VAV2: variants seen among roughly 807,000 people sequenced by gnomAD.
VAV2 encodes the protein vav guanine nucleotide exchange factor 2.
In VAV2, 67 loss-of-function variants were observed where a neutral mutation model predicts 132.5. That is an observed-to-expected ratio of 0.51 (90% CI 0.42 to 0.62). VAV2 has a LOEUF of 0.62. Ranked by LOEUF, VAV2 falls within the 20% of genes least tolerant of loss-of-function variation. The pLI, the probability that VAV2 is intolerant of heterozygous loss-of-function variation, is 0.00. For missense variants in VAV2, 938 were observed against 1,153.6 expected (o/e 0.81, Z 2.71); for synonymous variants, 492 against 443.5 (o/e 1.11, Z -1.37).
At chr9:133,909,992 GC>G (rs35607097) in intron 2 of VAV2, among the ~76,000 whole-genome samples, 29,531 of 151,970 alleles carry the variant, frequency 0.19, 3,179 homozygotes, top group Middle Eastern at 0.28. Flanking sequence ...CCATCAGACA[GC>G]CCCCCACGAG....
chr9:133,788,270 CT>C lies in VAV2; in HGVS notation c.1407+83del. ...GCATCAGCGGCTGACTTCGAGTCCCCTTCCCCTGGGGTCTGGAACCCAGTGC... is the reference window on the plus strand; with the variant it reads ...GCATCAGCGGCTGACTTCGAGTCCCCTCCCCTGGGGTCTGGAACCCAGTGC... On this transcript the variant is annotated intron_variant, in intron 15 of 29. Coordinates refer to ENST00000371850, the MANE Select transcript of VAV2 (RefSeq NM_001134398.2). This position sits in a 1 kb window ranked among gnomAD's most constrained non-coding sequence, Gnocchi z 5.3. 1 of 1,526,138 alleles carries C rather than the reference CT, an allele frequency of 6.6e-7. No individual in the cohort carries two copies. Among genetic ancestry groups the C allele is most frequent in the Non-Finnish European group, 8.9e-7 (1 of 1,120,388 alleles). The allele number at this position is 1,526,138 out of a possible 1,614,324, so 94.5% of individuals were successfully genotyped here.
chr9:133,942,229 G>C (rs537636692), intron 1 of VAV2, among the ~76,000 whole-genome samples: 1 of 152,202 alleles, frequency 6.6e-6, no homozygotes, highest in Non-Finnish European at 1.5e-5. Context: ...ATGTGAGATG[G>C]GCCCCTTTCC....
In VAV2 at chr9:133,788,230, C is replaced by CA; in HGVS notation, c.1407+123dup. The CA allele has an allele frequency of 1.9e-5, 15 of 809,524 alleles. No individual in the cohort carries two copies. Among genetic ancestry groups the CA allele is most frequent in the Non-Finnish European group, 2.7e-5 (14 of 519,344 alleles). The allele number at this position is 809,524 out of a possible 1,614,324, so 50.1% of individuals were successfully genotyped here. ...TCCTGCAGAGCGGAGACGCCCACCC[C>CA]AACCCACCCGGCCAGCATCAGCGGC... is the stretch of plus-strand genomic sequence containing the variant. On this transcript the variant is annotated intron_variant, in intron 15 of 29. Transcript: ENST00000371850. This position sits in a 1 kb window ranked among gnomAD's most constrained non-coding sequence, Gnocchi z 5.3.
At chr9:133,791,913 G>T in intron 12 of VAV2, 44 bp from the exon 13 acceptor site, 1 of 1,518,384 alleles carries the variant, frequency 6.6e-7, no homozygotes, top group Non-Finnish European at 9.1e-7. Context: ...GCTGGGTGGG[G>T]TGTGTGTGAC....
chr9:133,971,563 C>T (rs150202210), intron 1 of VAV2, among the ~76,000 whole-genome samples: 1,798 of 152,276 alleles, frequency 0.012, 33 homozygotes, highest in African/African-American at 0.041. Context: ...GGAGGTGAGT[C>T]GTGACTGTGA....
At chr9:133,850,804 C>A (rs1264974843) in intron 3 of VAV2, among the ~76,000 whole-genome samples, 1 of 152,228 alleles carries the variant, frequency 6.6e-6, no homozygotes, top group African/African-American at 2.4e-5. Flanking sequence ...AAGCTCACAC[C>A]CTCAGGCTCT....
At position 133,788,408 on chromosome 9, in the gene VAV2, C is replaced by A. The variant is rs949387662; in HGVS notation, c.1353G>T (p.Glu451Asp). Reference sequence around the variant, plus strand: ...CGTCGGTCATCTTGTGGAACAGCAGCTCGATGATCTCCTTGAGCTCGTAGC... The same window carrying A: ...CGTCGGTCATCTTGTGGAACAGCAGATCGATGATCTCCTTGAGCTCGTAGC... ...GYSYELKEII[E>D]LLFHKMTDDP... Residue 451 changes from glutamate to aspartate, a missense_variant, in exon 15 of 30, where the codon GAG becomes GAT. Coordinates refer to ENST00000371850, the MANE Select transcript of VAV2 (RefSeq NM_001134398.2). The surrounding 1 kb of genome is among the most constrained non-coding windows in gnomAD (Gnocchi z 5.3). The A allele has an allele frequency of 3.1e-6, 5 of 1,612,254 alleles. No homozygotes were observed. The highest frequency in any genetic ancestry group is 4.2e-6 in the Non-Finnish European group (5 of 1,178,542).
At chr9:133,819,504 A>T (rs1037769416) in intron 4 of VAV2, among the ~76,000 whole-genome samples, 1 of 151,962 alleles carries the variant, frequency 6.6e-6, no homozygotes, top group Non-Finnish European at 1.5e-5. Flanking sequence ...TGTGTTTGGG[A>T]ATCTGTCTCT....
intron 2 of VAV2, among the ~76,000 whole-genome samples, chr9:133,930,949 G>C (rs1300331084): frequency 6.6e-6 from 1 of 152,184 alleles, no homozygotes; most frequent in East Asian, 1.9e-4. Context: ...ATAATAAATA[G>C]GAGAATTAAG....
At chr9:133,875,296 G>A (rs1040036591) in intron 2 of VAV2, among the ~76,000 whole-genome samples, 1 of 152,212 alleles carries the variant, frequency 6.6e-6, no homozygotes, top group Admixed American at 6.5e-5. Flanking sequence ...CCACTGCCTG[G>A]CCTGGCTTCA....
intron 3 of VAV2, among the ~76,000 whole-genome samples, chr9:133,860,239 T>C (rs1049120946): frequency 6.6e-6 from 1 of 151,322 alleles, no homozygotes; most frequent in Non-Finnish European, 1.5e-5. Flanking sequence ...GAGACGGAGG[T>C]TGCAGTGAGC....
chr9:133,854,070 C>T (rs1484954255), intron 3 of VAV2, among the ~76,000 whole-genome samples: 1 of 151,688 alleles, frequency 6.6e-6, no homozygotes, highest in Non-Finnish European at 1.5e-5. Flanking sequence ...CATGAACCTG[C>T]ACACCTGCAC....
chr9:133,788,249 C>A lies in VAV2; in HGVS notation c.1407+105G>T. On this transcript the variant is annotated intron_variant, in intron 15 of 29. Coordinates refer to ENST00000371850, the MANE Select transcript of VAV2 (RefSeq NM_001134398.2). This position sits in a 1 kb window ranked among gnomAD's most constrained non-coding sequence, Gnocchi z 5.3. ...CCACCCCAACCCACCCGGCCAGCATCAGCGGCTGACTTCGAGTCCCCTTCC... is the reference window on the plus strand; with the variant it reads ...CCACCCCAACCCACCCGGCCAGCATAAGCGGCTGACTTCGAGTCCCCTTCC... 3 of 538,142 alleles carry A rather than the reference C, an allele frequency of 5.6e-6. No homozygotes were observed. The highest frequency in any genetic ancestry group is 1.0e-5 in the Non-Finnish European group (3 of 297,718). The allele number at this position is 538,142 out of a possible 1,614,324, so 33.3% of individuals were successfully genotyped here.
At chr9:133,815,814 G>A (rs962962110) in intron 4 of VAV2, among the ~76,000 whole-genome samples, 4 of 152,298 alleles carry the variant, frequency 2.6e-5, no homozygotes, top group South Asian at 2.1e-4. Flanking sequence ...GTGGTGGGTG[G>A]GGGGTTACAC....
chr9:133,851,662 G>A (rs996415164), intron 3 of VAV2, among the ~76,000 whole-genome samples: 2 of 143,916 alleles, frequency 1.4e-5, no homozygotes, highest in Non-Finnish European at 3.0e-5. Flanking sequence ...ATGGACAGAA[G>A]GGTGGATGGA....
At chr9:133,937,929 G>A (rs556562366) in intron 2 of VAV2, among the ~76,000 whole-genome samples, 115 of 152,324 alleles carry the variant, frequency 7.5e-4, no homozygotes, top group South Asian at 1.9e-3. Context: ...CAGATCTCAC[G>A]TCTGGAGAAT....
intron 1 of VAV2, among the ~76,000 whole-genome samples, chr9:133,981,132 CT>C (rs1247197634): frequency 1.3e-5 from 2 of 152,206 alleles, no homozygotes; most frequent in East Asian, 3.9e-4. Flanking sequence ...GAGGCCCCTT[CT>C]TCAGCGTCCC....
At chr9:133,849,547 T>C (rs735521) in intron 3 of VAV2, among the ~76,000 whole-genome samples, 13,793 of 152,234 alleles carry the variant, frequency 0.091, 1,697 homozygotes, top group African/African-American at 0.28. Context: ...TGTGTTTGTG[T>C]CCTGGGGCTG....
At chr9:133,929,088 A>G (rs1448928386) in intron 2 of VAV2, among the ~76,000 whole-genome samples, 1 of 152,200 alleles carries the variant, frequency 6.6e-6, no homozygotes, top group Non-Finnish European at 1.5e-5. Flanking sequence ...CCCATTTTAC[A>G]GATGGGGAAA....
Sources: gnomAD v4.1 joint callset for allele counts (sites outside exome capture counted in the v4.1 genomes callset) on GRCh38, gnomAD v4.1.1 for gene constraint, Gnocchi (gnomAD v3.1) non-coding constraint, MANE v1.5 for transcripts, NCBI Gene and HGNC (gene_info 2026-07-23, HGNC 2026-07-21) for gene names.